ANTXRL: variants seen among roughly 807,000 people sequenced by gnomAD.
The protein encoded by ANTXRL is anthrax toxin receptor-like.
In ANTXRL, 63 loss-of-function variants were observed where a neutral mutation model predicts 75.4. The observed-to-expected ratio is 0.84, with a 90% CI of 0.68 to 1.03. The LOEUF (loss-of-function observed/expected upper bound fraction) is 1.03, where lower values mean the gene tolerates loss of function less well. ANTXRL is among the 50% of genes least tolerant of loss of function. The pLI, the probability that ANTXRL is intolerant of heterozygous loss-of-function variation, is 0.00. For missense variants in ANTXRL, 797 were observed against 789.4 expected (o/e 1.01, Z -0.12); for synonymous variants, 335 against 291.3 (o/e 1.15, Z -1.53).
intron 9 of ANTXRL, among the ~76,000 whole-genome samples, chr10:46,300,042 G>C (rs372536240): frequency 6.6e-6 from 1 of 152,192 alleles, no homozygotes; most frequent in Non-Finnish European, 1.5e-5. Flanking sequence ...CCCTGGACAC[G>C]CACAGCCTGT....
At chr10:46,306,327 G>T (rs1838081450) in intron 10 of ANTXRL, among the ~76,000 whole-genome samples, 1 of 152,172 alleles carries the variant, frequency 6.6e-6, no homozygotes. Flanking sequence ...GCCCCCACCT[G>T]CTTTCCTTGG....
At position 46,292,079 on chromosome 10, in the gene ANTXRL, C is replaced by T. The variant is rs782515153; in HGVS notation, c.270C>T (p.Asn90=). 6 of 1,536,344 alleles carry T rather than the reference C, an allele frequency of 3.9e-6. No homozygotes were observed. The highest frequency in any genetic ancestry group is 1.2e-5 in the South Asian group (1 of 84,054). The change falls in exon 2 of 17, where the codon AAC becomes AAT. Residue 90 remains asparagine, a synonymous_variant. Transcript: ENST00000620264. ...ILDKSGSVNN[N]WIDLYMWVEE... ...TTAGGTCTGGCAGCGTGAACAATAACTGGATTGACCTTTATATGTGGGTGG... is the reference window on the plus strand; with the variant it reads ...TTAGGTCTGGCAGCGTGAACAATAATTGGATTGACCTTTATATGTGGGTGG...
At chr10:46,302,458 C>T (rs1406665171) in intron 9 of ANTXRL, among the ~76,000 whole-genome samples, 2 of 152,182 alleles carry the variant, frequency 1.3e-5, no homozygotes, top group African/African-American at 4.8e-5. Context: ...GGACCAAGGC[C>T]TTTCCTGAGC....
intron 9 of ANTXRL, among the ~76,000 whole-genome samples, chr10:46,300,457 A>C (rs113253711): frequency 0.051 from 7,807 of 152,022 alleles, 304 homozygotes; most frequent in African/African-American, 0.11. Context: ...CTCACCGCTC[A>C]AGGCCCATCC....
intron 16 of ANTXRL, among the ~76,000 whole-genome samples, chr10:46,329,296 TG>T (rs1180858777): frequency 1.4e-4 from 22 of 152,206 alleles, no homozygotes; most frequent in Admixed American, 1.3e-3. Context: ...CAGAGGTAAT[TG>T]GGGCCTCCTC....
At chr10:46,312,578 G>C (rs1838491469) in intron 15 of ANTXRL, among the ~76,000 whole-genome samples, 1 of 145,200 alleles carries the variant, frequency 6.9e-6, no homozygotes, top group Non-Finnish European at 1.5e-5. Flanking sequence ...GGGCATCTGG[G>C]GAAGCCAGGC....
intron 12 of ANTXRL, among the ~76,000 whole-genome samples, chr10:46,307,953 G>A (rs782018794): frequency 3.9e-5 from 6 of 152,138 alleles, no homozygotes; most frequent in Non-Finnish European, 8.8e-5. Context: ...TCCTGCTGCT[G>A]AAGGGGAGGC....
At position 46,302,752 on chromosome 10, in the gene ANTXRL, G is replaced by A. The variant is rs1485641778; in HGVS notation, c.827G>A (p.Gly276Asp). The A allele has an allele frequency of 1.3e-6, 2 of 1,536,152 alleles. No homozygotes were observed. Among genetic ancestry groups the A allele is most frequent in the Non-Finnish European group, 1.7e-6 (2 of 1,146,704 alleles). Residue 276 changes from glycine (G) to aspartate (D), a missense_variant, in exon 10 of 17, where the codon GGC becomes GAC. Physicochemically the swap from Gly to Asp is moderately conservative, Grantham distance 94. Transcript: ENST00000620264. ...TACCATGTGGTTATTCATGGAAATG[G>A]CTTTCAGAATCTAAAGAAACGGGAT... ...EPYHVVIHGN[G>D]FQNLKKRDEV...
chr10:46,330,091 A>G lies in ANTXRL; in HGVS notation c.*7A>G, dbSNP rs782241510. 3.3e-6 allele frequency: 5 copies of G among 1,498,720 alleles called. No individual in the cohort carries two copies. In the African/African-American group the frequency reaches 6.9e-5, roughly 21 times the overall value. 92.8% of individuals were successfully genotyped at this position (1,498,720 alleles called of 1,614,324 possible). On this transcript the variant is annotated 3_prime_UTR_variant, in exon 17 of 17. Coordinates refer to ENST00000620264, the MANE Select transcript of ANTXRL (RefSeq NM_001278688.3). ...CTCAGAGCCCAACTTCTAAGGCACC[A>G]AACACCCAAGATTAACAGGCTTTTG...
At chr10:46,296,719 A>G (rs1417197658) in intron 5 of ANTXRL, among the ~76,000 whole-genome samples, 1 of 152,072 alleles carries the variant, frequency 6.6e-6, no homozygotes, top group Non-Finnish European at 1.5e-5. Flanking sequence ...GCTGGAGAGG[A>G]AAGGCGTTGA....
chr10:46,301,283 A>G (rs1210969732), intron 9 of ANTXRL, among the ~76,000 whole-genome samples: 2 of 152,238 alleles, frequency 1.3e-5, no homozygotes, highest in African/African-American at 4.8e-5. Flanking sequence ...AGCTGCTGTC[A>G]GCCTTAGCTG....
intron 1 of ANTXRL, among the ~76,000 whole-genome samples, chr10:46,290,226 T>A (rs1194660320): frequency 8.5e-5 from 13 of 152,154 alleles, no homozygotes; most frequent in African/African-American, 3.1e-4. Context: ...TATTTTTTAG[T>A]ACATACAGGG....
At chr10:46,328,150 C>G (rs1839317739) in intron 16 of ANTXRL, among the ~76,000 whole-genome samples, 1 of 152,132 alleles carries the variant, frequency 6.6e-6, no homozygotes, top group East Asian at 1.9e-4. Flanking sequence ...AGGGTGGTCA[C>G]TTTAGCTGGG....
At chr10:46,310,693 C>T (rs1838369973) in intron 14 of ANTXRL, among the ~76,000 whole-genome samples, 194 bp downstream of exon 14, 4 of 152,074 alleles carry the variant, frequency 2.6e-5, no homozygotes. Flanking sequence ...CTCCCTGCAC[C>T]CCTTAACATA....
Position 46,287,025 on chromosome 10 carries a change from G to T in ANTXRL, c.-238G>T. ...AACAGAGAATTCTGTCCCCAGGGTG[G>T]GGGAAGGGCCAGGCAGGTAGCTGGA... On this transcript the variant is annotated 5_prime_UTR_variant, in exon 1 of 17. Coordinates refer to ENST00000620264, the MANE Select transcript of ANTXRL (RefSeq NM_001278688.3). 1.7e-6 allele frequency: 1 copy of T among 577,240 alleles called. No homozygotes were observed. The highest frequency in any genetic ancestry group is 3.0e-6 in the Non-Finnish European group (1 of 328,742). 35.8% of individuals were successfully genotyped at this position (577,240 alleles called of 1,614,324 possible).
intron 2 of ANTXRL, chr10:46,292,841 A>G (rs1456065802): frequency 2.0e-5 from 3 of 153,142 alleles, no homozygotes; most frequent in Non-Finnish European, 4.4e-5. Flanking sequence ...GGCAGGAGCC[A>G]TGGGGAGCTC....
chr10:46,304,927 A>G (rs1220922639), intron 10 of ANTXRL, among the ~76,000 whole-genome samples: 1 of 152,130 alleles, frequency 6.6e-6, no homozygotes. Context: ...TACCATCTAC[A>G]TCTCCATACA....
intron 5 of ANTXRL, 47 bp downstream of exon 5, chr10:46,296,299 T>A (rs1837373164): frequency 6.5e-7 from 1 of 1,528,278 alleles, no homozygotes; most frequent in African/African-American, 1.4e-5. Flanking sequence ...GGAACAGAGC[T>A]GGGTGTGAGC....
At chr10:46,312,133 G>A (rs1838465748) in intron 15 of ANTXRL, among the ~76,000 whole-genome samples, 1 of 149,880 alleles carries the variant, frequency 6.7e-6, no homozygotes. Context: ...AACACTGCAA[G>A]GATGCCAGGG....
Sources: gnomAD v4.1 joint callset for allele counts (sites outside exome capture counted in the v4.1 genomes callset) on GRCh38, gnomAD v4.1.1 for gene constraint, MANE v1.5 for transcripts, NCBI Gene and HGNC (gene_info 2026-07-23, HGNC 2026-07-21) for gene names.